The following ATP8B1 variants were observed in gnomAD, a reference collection of about 807,000 sequenced individuals.
ATP8B1 encodes ATPase phospholipid transporting 8B1.
ATP8B1 carries 80 observed loss-of-function variants against 149.9 expected under a neutral mutation model. The ratio of observed to expected loss-of-function variants is 0.53; its 90% CI spans 0.45 to 0.64. The LOEUF (loss-of-function observed/expected upper bound fraction) is 0.64, where lower values mean the gene tolerates loss of function less well. Ranked by LOEUF, ATP8B1 falls within the 30% of genes least tolerant of loss-of-function variation. ATP8B1 has a pLI of 0.00. For synonymous variants in ATP8B1, 536 were observed against 562.8 expected (o/e 0.95, Z 0.67); for missense variants, 1,247 against 1,552.6 (o/e 0.80, Z 3.31).
At chr18:57,759,420 C>T (rs1007949355) in intron 1 of ATP8B1, among the ~76,000 whole-genome samples, 5 of 152,046 alleles carry the variant, frequency 3.3e-5, no homozygotes, top group African/African-American at 1.2e-4. Context: ...ATAGCAGCAA[C>T]CAAGTAAATA....
At chr18:57,691,650 C>T (rs550238704) in intron 12 of ATP8B1, among the ~76,000 whole-genome samples, 157 bp downstream of exon 12, 1 of 152,306 alleles carries the variant, frequency 6.6e-6, no homozygotes, top group East Asian at 1.9e-4. Context: ...ATGTTAATTT[C>T]CTTTTCCTCT....
intron 21 of ATP8B1, among the ~76,000 whole-genome samples, chr18:57,662,037 G>C (rs1910485762): frequency 6.6e-6 from 1 of 152,062 alleles, no homozygotes; most frequent in Admixed American, 6.6e-5. Context: ...TTTTTCAATG[G>C]AGATGGGGTC....
chr18:57,685,696 C>T (rs1912200932), intron 13 of ATP8B1, among the ~76,000 whole-genome samples: 1 of 151,820 alleles, frequency 6.6e-6, no homozygotes. Flanking sequence ...CTTTGGGAGG[C>T]TGAGATGGGC....
At chr18:57,704,831 C>G (rs186498250) in intron 3 of ATP8B1, among the ~76,000 whole-genome samples, 163 bp from the exon 4 acceptor site, 18 of 152,252 alleles carry the variant, frequency 1.2e-4, no homozygotes, top group Non-Finnish European at 2.2e-4. Context: ...TGCCTGCAAT[C>G]CCAGCGCTTT....
Position 57,690,390 on chromosome 18 carries a change from A to G in ATP8B1, c.1220+1417T>C, listed in dbSNP as rs575094479. 3.3e-5 allele frequency among the ~76,000 whole-genome samples: 5 copies of G among 152,334 alleles called. No individual in the cohort carries two copies. In the South Asian group the frequency reaches 1.0e-3, roughly 32 times the overall value. The stretch of plus-strand genomic sequence containing the variant: ...TTATTCTGAATGAGGTTTGAAGTCA[A>G]AGCAGAGATACTATCTGGAAGAACT... On this transcript the variant is annotated intron_variant, in intron 12 of 27. Coordinates refer to ENST00000648908, the MANE Select transcript of ATP8B1 (RefSeq NM_001374385.1).
At chr18:57,799,704 CAAAAAAAAA>C (rs4059219) in intron 1 of ATP8B1, among the ~76,000 whole-genome samples, 1 of 111,014 alleles carries the variant, frequency 9.0e-6, no homozygotes, top group African/African-American at 3.3e-5. Context: ...GACTCTGTCT[CAAAAAAAAA>C]AAAAAAAAGA....
chr18:57,799,861 G>A (rs1017654646), intron 1 of ATP8B1, among the ~76,000 whole-genome samples: 1 of 152,042 alleles, frequency 6.6e-6, no homozygotes, highest in Non-Finnish European at 1.5e-5. Context: ...GACCTCAAAA[G>A]ATCTTAGATT....
chr18:57,781,352 C>A (rs1423257661), intron 1 of ATP8B1, among the ~76,000 whole-genome samples: 1 of 152,144 alleles, frequency 6.6e-6, no homozygotes, highest in Non-Finnish European at 1.5e-5. Context: ...CTGGAGACAG[C>A]TTTGTTGAGT....
chr18:57,762,635 C>T (rs1191484303), intron 1 of ATP8B1, among the ~76,000 whole-genome samples: 1 of 152,186 alleles, frequency 6.6e-6, no homozygotes, highest in African/African-American at 2.4e-5. Flanking sequence ...GAGCAATAGG[C>T]TGCTTATATC....
At chr18:57,663,720 A>G (rs2122664021) in intron 20 of ATP8B1, among the ~76,000 whole-genome samples, 1 of 147,546 alleles carries the variant, frequency 6.8e-6, no homozygotes, top group African/African-American at 2.5e-5. Flanking sequence ...AGCCATTTGC[A>G]TGTCCTCTTT....
rs536503965 is a variant in ATP8B1, at chr18:57,739,746, C to A, written c.-25-7914G>T. Among the ~76,000 whole-genome samples, 4 of 152,280 alleles carry A rather than the reference C, an allele frequency of 2.6e-5. No individual in the cohort carries two copies. The South Asian group carries it at 8.3e-4, about 32-fold the overall frequency. On this transcript the variant is annotated intron_variant, in intron 1 of 27. Transcript: ENST00000648908. ...GCAACAGTTAAGGTCAGAAGTCATA[C>A]AAGATGAAACTTTTTAGGAGTCTGA...
chr18:57,715,492 A>G (rs2079575373), intron 2 of ATP8B1, among the ~76,000 whole-genome samples: 3 of 152,172 alleles, frequency 2.0e-5, no homozygotes, highest in Non-Finnish European at 4.4e-5. Context: ...AACCTAGAGG[A>G]AGATATCAAT....
rs1271024421 is a variant in ATP8B1 at position 57,672,912 on chromosome 18, ATATATATATATATATATAT to A, written c.1820-1351_1820-1333del. 2.4e-4 allele frequency among the ~76,000 whole-genome samples: 18 copies of A among 75,544 alleles called. 2 individuals carry two copies. Among genetic ancestry groups the A allele is most frequent in the Non-Finnish European group, 2.9e-4 (11 of 37,768 alleles). 49.6% of individuals were successfully genotyped at this position (75,544 alleles called of 152,430 possible). A position where few individuals can be genotyped will look rare whatever the true frequency, so the allele number is the denominator to read the frequency against. ...TATATATATATATATATATATATAT[ATATATATATATATATATAT>A]AACATGTATATACACATATATACAT... On this transcript the variant is annotated intron_variant, in intron 16 of 27. Coordinates refer to ENST00000648908, the MANE Select transcript of ATP8B1 (RefSeq NM_001374385.1).
At chr18:57,692,660 C>G (rs1599122173) in intron 11 of ATP8B1, among the ~76,000 whole-genome samples, 2 of 152,060 alleles carry the variant, frequency 1.3e-5, no homozygotes, top group South Asian at 4.1e-4. Flanking sequence ...GTCTCGAACT[C>G]TTGTCCTCAA....
At chr18:57,797,217 G>C (rs2080523295) in intron 1 of ATP8B1, among the ~76,000 whole-genome samples, 1 of 152,148 alleles carries the variant, frequency 6.6e-6, no homozygotes, top group Non-Finnish European at 1.5e-5. Flanking sequence ...ATAAAGGTTA[G>C]AAAACTGTTT....
chr18:57,680,881 G>C (rs921089184), intron 15 of ATP8B1, among the ~76,000 whole-genome samples: 1 of 152,122 alleles, frequency 6.6e-6, no homozygotes, highest in Non-Finnish European at 1.5e-5. Flanking sequence ...TCCAGGTGAA[G>C]TGAAGGCTTC....
At chr18:57,652,298 A>AG (rs2122561349) in intron 25 of ATP8B1, 126 bp from the exon 26 acceptor site, 5 of 1,456,582 alleles carry the variant, frequency 3.4e-6, no homozygotes, top group Non-Finnish European at 4.7e-6. Flanking sequence ...CTGGACCAGA[A>AG]ACTAAACCAT....
chr18:57,734,516 C>T (rs1436039039), intron 1 of ATP8B1, among the ~76,000 whole-genome samples: 3 of 152,042 alleles, frequency 2.0e-5, no homozygotes, highest in Admixed American at 6.6e-5. Context: ...TACTTCTTGG[C>T]GATTTGTATG....
intron 1 of ATP8B1, among the ~76,000 whole-genome samples, chr18:57,793,117 A>G (rs2080479563): frequency 6.6e-6 from 1 of 152,226 alleles, no homozygotes; most frequent in East Asian, 1.9e-4. Context: ...CAATCTGAAC[A>G]CAGCCCAGCG....
Sources: gnomAD v4.1 joint callset for allele counts (sites outside exome capture counted in the v4.1 genomes callset) on GRCh38, gnomAD v4.1.1 for gene constraint, MANE v1.5 for transcripts, NCBI Gene and HGNC (gene_info 2026-07-23, HGNC 2026-07-21) for gene names.